DOCK10: variants seen among roughly 807,000 people sequenced by gnomAD.
The protein encoded by DOCK10 is dedicator of cytokinesis protein 10.
DOCK10 carries 145 observed loss-of-function variants against 280.1 expected under a neutral mutation model. The ratio of observed to expected loss-of-function variants is 0.52; its 90% CI spans 0.45 to 0.59. The LOEUF (loss-of-function observed/expected upper bound fraction) is 0.59, where lower values mean the gene tolerates loss of function less well. DOCK10 is among the 20% of genes least tolerant of loss of function. The pLI is 0.00. For synonymous variants in DOCK10, 915 were observed against 942.2 expected, an observed-to-expected ratio of 0.97 and a Z score of 0.53; for missense variants, 2,368 against 2,651.7, an observed-to-expected ratio of 0.89 and a Z score of 2.35.
chr2:224,859,409 T>C (rs931663928), intron 14 of DOCK10, among the ~76,000 whole-genome samples: 1 of 152,180 alleles, frequency 6.6e-6, no homozygotes, highest in Non-Finnish European at 1.5e-5. Context: ...CTGACACATT[T>C]GGAAGGGTCA....
intron 31 of DOCK10, among the ~76,000 whole-genome samples, chr2:224,811,393 T>C (rs903939685): frequency 1.3e-5 from 2 of 152,236 alleles, no homozygotes; most frequent in Non-Finnish European, 2.9e-5. Flanking sequence ...TAGCCCTTTG[T>C]CAAATGAGTA....
chr2:224,849,203 T>C (rs1299376742), intron 19 of DOCK10, among the ~76,000 whole-genome samples: 1 of 152,202 alleles, frequency 6.6e-6, no homozygotes, highest in Admixed American at 6.5e-5. Context: ...CTTGATCTCC[T>C]GACCTTGTGA....
intron 5 of DOCK10, 72 bp downstream of exon 5, chr2:224,886,387 G>A (rs1209160724): frequency 3.7e-5 from 56 of 1,521,436 alleles, no homozygotes; most frequent in Non-Finnish European, 4.1e-5. Context: ...GTCAGAACTC[G>A]AAACTTTCAG....
chr2:225,041,690 G>C (rs1575182060), intron 1 of DOCK10, among the ~76,000 whole-genome samples: 1 of 152,186 alleles, frequency 6.6e-6, no homozygotes, highest in Non-Finnish European at 1.5e-5. Context: ...GTGGTTTGTG[G>C]GTTTTTACCC....
intron 1 of DOCK10, among the ~76,000 whole-genome samples, chr2:224,964,105 G>A (rs1443639948): frequency 2.0e-5 from 3 of 151,982 alleles, no homozygotes; most frequent in South Asian, 4.2e-4. Context: ...AGGATGCGGA[G>A]GGTGTTAGCA....
chr2:224,852,908 A>G, intron 17 of DOCK10, 27 bp downstream of exon 17: 1 of 1,526,046 alleles, frequency 6.6e-7, no homozygotes, highest in Non-Finnish European at 8.9e-7. Flanking sequence ...AAAAGAAAAG[A>G]TGATATCTCT....
At chr2:224,771,925 T>A (rs941206131) in intron 53 of DOCK10, among the ~76,000 whole-genome samples, 4 of 151,780 alleles carry the variant, frequency 2.6e-5, no homozygotes, top group African/African-American at 7.3e-5. Context: ...GGCTTTTTTT[T>A]TTTTTTATTT....
At chr2:225,017,429 T>TGA (rs71062970) in intron 1 of DOCK10, among the ~76,000 whole-genome samples, 10,592 of 147,156 alleles carry the variant, frequency 0.072, 502 homozygotes, top group Middle Eastern at 0.11. Flanking sequence ...AGACAGAGAT[T>TGA]GAGAGAGAGA....
Position 224,957,725 on chromosome 2 carries a change from T to C in DOCK10, c.124-26057A>G, listed in dbSNP as rs138690979. 2.1e-3 allele frequency among the ~76,000 whole-genome samples: 318 copies of C among 152,280 alleles called. 2 individuals carry two copies. Among genetic ancestry groups the C allele is most frequent in the Admixed American group, 7.3e-3 (111 of 15,298 alleles). On this transcript the variant is annotated intron_variant, in intron 1 of 55. Coordinates refer to ENST00000258390, the MANE Select transcript of DOCK10 (RefSeq NM_014689.3). ...TCAGACCTACTGTCCTTCAAATCAGTGCCCTCTTTCACTTCTCTACATGTC... is the reference window on the plus strand; with the variant it reads ...TCAGACCTACTGTCCTTCAAATCAGCGCCCTCTTTCACTTCTCTACATGTC...
At chr2:225,002,877 C>T (rs149060282) in intron 1 of DOCK10, among the ~76,000 whole-genome samples, 1 of 152,082 alleles carries the variant, frequency 6.6e-6, no homozygotes, top group Non-Finnish European at 1.5e-5. Context: ...TCTCGTCACC[C>T]ACAGAATGTT....
intron 3 of DOCK10, among the ~76,000 whole-genome samples, chr2:224,914,373 A>T (rs1701198937): frequency 6.6e-6 from 1 of 152,220 alleles, no homozygotes. Context: ...AATTTCACTC[A>T]TAATATAAAC....
rs751245921 is a variant in DOCK10, at chr2:224,876,044, C to A, written c.925G>T (p.Gly309Cys). 2 of 1,612,254 alleles carry A rather than the reference C, an allele frequency of 1.2e-6. No homozygotes were observed. Among genetic ancestry groups the A allele is most frequent in the Admixed American group, 3.4e-5 (2 of 59,606 alleles). ...CGGCTTCATATGCTCTCACCCAGAC[C>A]CAGATCAGTGAGCTCTGTGCTCCTC... ...GRRSTELTDL[G>C]LDSLDNSVTC... Residue 309 changes from glycine (G) to cysteine (C), a missense_variant, in exon 8 of 56, where the codon GGT (glycine) becomes TGT (cysteine). Physicochemically the swap from Gly to Cys is radical, Grantham distance 159. This residue lies in a region of DOCK10 where 1,209 missense variants were observed against 1,250.9 expected (regional missense o/e 0.97). Coordinates refer to ENST00000258390, the MANE Select transcript of DOCK10 (RefSeq NM_014689.3).
At chr2:225,013,597 C>T (rs1689504941) in intron 1 of DOCK10, among the ~76,000 whole-genome samples, 1 of 152,108 alleles carries the variant, frequency 6.6e-6, no homozygotes, top group Non-Finnish European at 1.5e-5. Context: ...ATCAACCAAC[C>T]AACCTAGATT....
chr2:224,961,446 CTTTCTTTCTTTCTTTCTTTCTT>C (rs1278611736), intron 1 of DOCK10, among the ~76,000 whole-genome samples: 22 of 130,638 alleles, frequency 1.7e-4, no homozygotes, highest in East Asian at 1.2e-3. Context: ...TTCTTTCTTT[CTTTCTTTCTTTCTTTCTTTCTT>C]TTTCTTTCTT....
chr2:224,796,289 A>T, intron 44 of DOCK10, 27 bp downstream of exon 44: 1 of 1,376,520 alleles, frequency 7.3e-7, no homozygotes, highest in Non-Finnish European at 1.0e-6. Flanking sequence ...AAAATTCTGC[A>T]GTAAAAGCCC....
chr2:224,813,197 A>C (rs946262705), intron 31 of DOCK10, among the ~76,000 whole-genome samples: 3 of 152,018 alleles, frequency 2.0e-5, no homozygotes, highest in Non-Finnish European at 2.9e-5. Context: ...AAATATACAA[A>C]ATTTTTATTA....
chr2:224,909,998 G>T (rs1440828021), intron 3 of DOCK10, among the ~76,000 whole-genome samples: 2 of 152,262 alleles, frequency 1.3e-5, no homozygotes, highest in East Asian at 3.9e-4. Flanking sequence ...TTCATGAGAA[G>T]CTGAGAATTG....
chr2:224,946,479 A>G (rs1242254090), intron 1 of DOCK10, among the ~76,000 whole-genome samples: 1 of 152,192 alleles, frequency 6.6e-6, no homozygotes, highest in Admixed American at 6.5e-5. Context: ...ACAACCATAT[A>G]CATGTCATCA....
At chr2:224,766,494 C>T (rs1256719146) in intron 55 of DOCK10, among the ~76,000 whole-genome samples, 1 of 152,206 alleles carries the variant, frequency 6.6e-6, no homozygotes, top group Non-Finnish European at 1.5e-5. Flanking sequence ...CCCCAAAGAG[C>T]ACTCAGCTGA....
Sources: allele counts gnomAD v4.1 joint callset (sites outside exome capture counted in the v4.1 genomes callset), GRCh38; gene constraint gnomAD v4.1.1; regional missense constraint gnomAD v4.1.1; transcripts MANE v1.5; gene names NCBI Gene and HGNC (gene_info 2026-07-23, HGNC 2026-07-21).